WDPCP: variants seen among roughly 807,000 people sequenced by gnomAD.
The protein encoded by WDPCP is WD repeat-containing and planar cell polarity effector protein fritz homolog.
WDPCP carries 71 observed loss-of-function variants against 93.1 expected under a neutral mutation model. The ratio of observed to expected loss-of-function variants is 0.76; its 90% CI spans 0.63 to 0.93. The LOEUF is 0.93. WDPCP is among the 40% of genes least tolerant of loss of function. The pLI is 0.00. For synonymous variants in WDPCP, 315 were observed against 315.0 expected, an observed-to-expected ratio of 1.00 and a Z score of 0.00; for missense variants, 844 against 887.4, an observed-to-expected ratio of 0.95 and a Z score of 0.62.
chr2:63,328,239 G>A (rs938301429), intron 12 of WDPCP, among the ~76,000 whole-genome samples: 3 of 152,060 alleles, frequency 2.0e-5, no homozygotes, highest in Non-Finnish European at 2.9e-5. Context: ...TCAGCAGGAT[G>A]TGGGTGGGCC....
intron 2 of WDPCP, among the ~76,000 whole-genome samples, chr2:63,672,446 T>C (rs1321125934): frequency 6.6e-6 from 1 of 152,192 alleles, no homozygotes; most frequent in Non-Finnish European, 1.5e-5. Flanking sequence ...AATATTTGCA[T>C]AGAAAACATG....
chr2:63,227,623 T>TCAAA (rs1678401375), intron 14 of WDPCP, among the ~76,000 whole-genome samples: 2 of 152,002 alleles, frequency 1.3e-5, no homozygotes, highest in South Asian at 2.1e-4. Flanking sequence ...AGATTTGTAG[T>TCAAA]CAAACAGGCA....
At chr2:63,608,031 A>G (rs1398810384) in intron 3 of WDPCP, among the ~76,000 whole-genome samples, 1 of 152,190 alleles carries the variant, frequency 6.6e-6, no homozygotes, top group African/African-American at 2.4e-5. Flanking sequence ...ATATTTGTAA[A>G]CATTACCTAC....
intron 2 of WDPCP, among the ~76,000 whole-genome samples, chr2:63,740,727 T>G (rs1458507125): frequency 6.6e-6 from 1 of 152,154 alleles, no homozygotes; most frequent in Non-Finnish European, 1.5e-5. Context: ...GGTGATGCTC[T>G]TCCTCAAACC....
At chr2:63,290,205 T>C (rs1052305652) in intron 13 of WDPCP, among the ~76,000 whole-genome samples, 1 of 152,020 alleles carries the variant, frequency 6.6e-6, no homozygotes, top group Admixed American at 6.5e-5. Context: ...TAAAATTTCC[T>C]CTTTTGACTT....
intron 14 of WDPCP, among the ~76,000 whole-genome samples, chr2:63,222,475 G>A (rs771754641): frequency 2.0e-5 from 3 of 152,180 alleles, no homozygotes; most frequent in Non-Finnish European, 4.4e-5. Context: ...ATCATGTCAA[G>A]CACCTAGTGT....
chr2:63,569,400 AT>A (rs900081520), intron 1 of WDPCP, among the ~76,000 whole-genome samples: 4 of 151,490 alleles, frequency 2.6e-5, no homozygotes, highest in South Asian at 2.1e-4. Flanking sequence ...AGATACATGT[AT>A]TTTTTTTTCC....
rs184343211 is a variant in WDPCP, at chr2:63,366,932, T to C, written c.1748+11454A>G. Among the ~76,000 whole-genome samples, 15 of 152,128 alleles carry C rather than the reference T, an allele frequency of 9.9e-5. No individual in the cohort carries two copies. The South Asian group carries it at 1.0e-3, about 11-fold the overall frequency. On this transcript the variant is annotated intron_variant, in intron 12 of 17. Transcript: ENST00000272321. ...TTAATCTGTGTACTCATCTATAAAA[T>C]AGGAATTATATATGGTTACATAGTA...
intron 2 of WDPCP, among the ~76,000 whole-genome samples, chr2:63,716,372 C>T (rs1190720203): frequency 1.3e-5 from 2 of 152,162 alleles, no homozygotes; most frequent in Admixed American, 6.5e-5. Context: ...CTCCTCCCTA[C>T]CCCAGCTAAG....
At chr2:63,614,194 T>A (rs1709648698) in intron 3 of WDPCP, among the ~76,000 whole-genome samples, 1 of 152,056 alleles carries the variant, frequency 6.6e-6, no homozygotes, top group Non-Finnish European at 1.5e-5. Context: ...ACATCCCCCA[T>A]TCCCTCTCCC....
chr2:63,459,162 A>G (rs1698835343), intron 6 of WDPCP, among the ~76,000 whole-genome samples: 1 of 152,192 alleles, frequency 6.6e-6, no homozygotes, highest in African/African-American at 2.4e-5. Context: ...TTAGGCAAAG[A>G]TTTTATGGCT....
intron 1 of WDPCP, among the ~76,000 whole-genome samples, chr2:63,520,765 A>G (rs1702864589): frequency 6.6e-6 from 1 of 151,966 alleles, no homozygotes; most frequent in Non-Finnish European, 1.5e-5. Context: ...GTATGGTGGG[A>G]TGCACCTGTG....
chr2:63,171,170 T>C (rs371708827), intron 15 of WDPCP, among the ~76,000 whole-genome samples: 2 of 151,896 alleles, frequency 1.3e-5, no homozygotes, highest in East Asian at 3.9e-4. Context: ...GTACAACACA[T>C]AAAAGACAAT....
intron 6 of WDPCP, among the ~76,000 whole-genome samples, chr2:63,455,660 C>T (rs1200994015): frequency 6.6e-6 from 1 of 152,126 alleles, no homozygotes; most frequent in Non-Finnish European, 1.5e-5. Context: ...GCAACCAACA[C>T]TAGTGCACCC....
At chr2:63,752,513 C>T (rs1354880506) in intron 2 of WDPCP, 14 of 749,630 alleles carry the variant, frequency 1.9e-5, no homozygotes, top group Non-Finnish European at 3.1e-5. Context: ...GACCACACAG[C>T]TTGTGAGCAT....
intron 6 of WDPCP, among the ~76,000 whole-genome samples, chr2:63,457,506 T>G (rs1197774626): frequency 6.6e-6 from 1 of 151,914 alleles, no homozygotes; most frequent in Non-Finnish European, 1.5e-5. Flanking sequence ...AACAAAAAAG[T>G]AAAACTGCAG....
intron 2 of WDPCP, among the ~76,000 whole-genome samples, chr2:63,719,221 C>T (rs61437231): frequency 0.013 from 2,025 of 152,272 alleles, 44 homozygotes; most frequent in African/African-American, 0.047. Flanking sequence ...GACAGTATTA[C>T]TGGAGCCAGA....
At chr2:63,172,800 A>G (rs1473981574) in intron 15 of WDPCP, among the ~76,000 whole-genome samples, 2 of 152,194 alleles carry the variant, frequency 1.3e-5, no homozygotes, top group Non-Finnish European at 2.9e-5. Context: ...AAGACGCTAT[A>G]AAGTACCATG....
At chr2:63,399,529 C>T (rs983845293) in intron 10 of WDPCP, among the ~76,000 whole-genome samples, 2 of 137,274 alleles carry the variant, frequency 1.5e-5, no homozygotes, top group African/African-American at 5.5e-5. Context: ...GGGCAGAAAG[C>T]CTTCTGTTTG....
Sources: gnomAD v4.1 joint callset for allele counts (sites outside exome capture counted in the v4.1 genomes callset) on GRCh38, gnomAD v4.1.1 for gene constraint, MANE v1.5 for transcripts, NCBI Gene and HGNC (gene_info 2026-07-23, HGNC 2026-07-21) for gene names.